CRYBG3: variants seen among roughly 807,000 people sequenced by gnomAD.
CRYBG3 encodes the protein very large A-kinase anchor protein.
CRYBG3 carries 127 observed loss-of-function variants against 244.2 expected under a neutral mutation model. That is an observed-to-expected ratio of 0.52 (90% CI 0.45 to 0.60). CRYBG3 has a LOEUF of 0.60. Ranked by LOEUF, CRYBG3 falls within the 20% of genes least tolerant of loss-of-function variation. CRYBG3 has a pLI of 0.00. For synonymous variants in CRYBG3, 1,132 were observed against 1,195.8 expected (o/e 0.95, Z 1.10); for missense variants, 3,325 against 3,442.5 (o/e 0.97, Z 0.85).
At chr3:97,919,683 C>A in intron 17 of CRYBG3, among the ~76,000 whole-genome samples, 1 of 137,550 alleles carries the variant, frequency 7.3e-6, no homozygotes, top group Non-Finnish European at 1.5e-5. Context: ...TAGGAGTAAT[C>A]ATACTGGGTG....
At chr3:97,858,414 C>A (rs1321120589) in intron 2 of CRYBG3, among the ~76,000 whole-genome samples, 3 of 151,972 alleles carry the variant, frequency 2.0e-5, no homozygotes, top group Non-Finnish European at 4.4e-5. Context: ...CTTCCTGGAT[C>A]TAGATGTCTA....
In CRYBG3 at chr3:97,910,567, T is replaced by A. The variant is rs112006862; in HGVS notation, c.8005-1600T>A. 5.9e-5 allele frequency among the ~76,000 whole-genome samples: 9 copies of A among 152,336 alleles called. 1 individual carries two copies. The highest frequency in any genetic ancestry group is 2.2e-4 in the African/African-American group (9 of 41,584). On this transcript the variant is annotated intron_variant, in intron 15 of 21. Transcript: ENST00000389622. ...TCAGAAAGGGAACTCCCTGACCCCT[T>A]GCGCTTCCCAAGTGAGGCAATGCCT...
At chr3:97,923,342 A>AT (rs1559745257) in intron 17 of CRYBG3, among the ~76,000 whole-genome samples, 1 of 152,126 alleles carries the variant, frequency 6.6e-6, no homozygotes, top group East Asian at 1.9e-4. Flanking sequence ...TATAATAATA[A>AT]TAAAAAAAAG....
chr3:97,909,338 AGT>A (rs1284505108), intron 15 of CRYBG3, among the ~76,000 whole-genome samples: 3 of 148,418 alleles, frequency 2.0e-5, no homozygotes, highest in Admixed American at 6.7e-5. Flanking sequence ...TATCCTGCAG[AGT>A]GTTTTCCAAC....
intron 15 of CRYBG3, among the ~76,000 whole-genome samples, chr3:97,905,686 T>G (rs1337010896): frequency 6.9e-6 from 1 of 144,670 alleles, no homozygotes; most frequent in African/African-American, 2.5e-5. Flanking sequence ...TTCTCCCATT[T>G]TGTAGGTTGC....
chr3:97,929,538 T>C (rs1365837264), intron 17 of CRYBG3, among the ~76,000 whole-genome samples: 2 of 151,904 alleles, frequency 1.3e-5, no homozygotes, highest in African/African-American at 4.8e-5. Flanking sequence ...TACTTATAAA[T>C]TAAATATTTA....
At chr3:97,828,675 A>G (rs1478262656) in intron 1 of CRYBG3, among the ~76,000 whole-genome samples, 35 of 152,100 alleles carry the variant, frequency 2.3e-4, no homozygotes, top group Admixed American at 2.0e-3. Context: ...AAAATACAAA[A>G]AAAATTAGCC....
At chr3:97,938,563 T>C (rs2040189518) in intron 19 of CRYBG3, among the ~76,000 whole-genome samples, 1 of 151,850 alleles carries the variant, frequency 6.6e-6, no homozygotes, top group African/African-American at 2.4e-5. Flanking sequence ...CACACACCAT[T>C]CTCATCCCAC....
intron 3 of CRYBG3, among the ~76,000 whole-genome samples, chr3:97,867,495 T>A (rs2039248860): frequency 6.6e-6 from 1 of 152,212 alleles, no homozygotes; most frequent in South Asian, 2.1e-4. Flanking sequence ...TGTATCAAAT[T>A]TATCTAGAAT....
chr3:97,876,782 T>C lies in CRYBG3; in HGVS notation c.5588T>C (p.Leu1863Ser). The part of the protein sequence containing the change: ...RGENIGKHKV[L>S]PAVVDIEKIH... Reference sequence around the variant, plus strand: ...GAGAATATTGGGAAACACAAAGTGTTACCCGCAGTGGTAGACATTGAGAAA... The same window carrying C: ...GAGAATATTGGGAAACACAAAGTGTCACCCGCAGTGGTAGACATTGAGAAA... Residue 1863 changes from leucine to serine, a missense_variant, in exon 4 of 22, where the codon TTA (leucine) becomes TCA (serine). Leu to Ser is a moderately radical substitution (Grantham distance 145, BLOSUM62 -2). Transcript: ENST00000389622. 1 of 1,277,744 alleles carries C rather than the reference T, an allele frequency of 7.8e-7. No homozygotes were observed. The highest frequency in any genetic ancestry group is 1.5e-5 in the African/African-American group (1 of 65,338). 79.2% of individuals were successfully genotyped at this position (1,277,744 alleles called of 1,614,324 possible).
intron 15 of CRYBG3, among the ~76,000 whole-genome samples, chr3:97,906,041 G>T (rs1368449864): frequency 1.4e-5 from 2 of 144,172 alleles, no homozygotes; most frequent in African/African-American, 2.5e-5. Flanking sequence ...GTTTGTCAAA[G>T]ATCAGATAGT....
At chr3:97,939,718 A>G (rs1487016243) in intron 19 of CRYBG3, among the ~76,000 whole-genome samples, 2 of 152,114 alleles carry the variant, frequency 1.3e-5, no homozygotes, top group South Asian at 2.1e-4. Context: ...TCAAGAATTA[A>G]TAATTGCAGT....
rs140395778 is a variant in CRYBG3, at chr3:97,856,168, A to G, written c.217-8049A>G. On this transcript the variant is annotated intron_variant, in intron 2 of 21. Transcript: ENST00000389622. ...TACCAGGGATGTTCCTTGCTGAGAA[A>G]AAGAATTCAGCGATATTTCTCCCAT... is the stretch of plus-strand genomic sequence containing the variant. Among the ~76,000 whole-genome samples the G allele has an allele frequency of 9.9e-3, 1,501 of 152,234 alleles. 25 individuals are homozygous for G. The highest frequency in any genetic ancestry group is 0.034 in the African/African-American group (1,432 of 41,550).
intron 1 of CRYBG3, among the ~76,000 whole-genome samples, chr3:97,824,618 T>C (rs1324473926): frequency 6.6e-6 from 1 of 152,176 alleles, no homozygotes; most frequent in African/African-American, 2.4e-5. Context: ...TGGGCTTCAG[T>C]TGGTGACAAC....
rs1357327069 is a variant in CRYBG3, at chr3:97,827,671, G to A, written c.149+5316G>A. 2.6e-5 allele frequency among the ~76,000 whole-genome samples: 4 copies of A among 152,126 alleles called. No individual in the cohort carries two copies. The South Asian group carries it at 8.3e-4, about 32-fold the overall frequency. Reference sequence around the variant, plus strand: ...GGGTACCCTTAATACCCTTTATTAAGCCCTGAGCTTGGAACTTTAAAAATA... The same window carrying A: ...GGGTACCCTTAATACCCTTTATTAAACCCTGAGCTTGGAACTTTAAAAATA... On this transcript the variant is annotated intron_variant, in intron 1 of 21. Transcript: ENST00000389622.
chr3:97,884,440 A>C (rs2039485189), intron 7 of CRYBG3, among the ~76,000 whole-genome samples: 1 of 152,084 alleles, frequency 6.6e-6, no homozygotes, highest in African/African-American at 2.4e-5. Flanking sequence ...GGTAGAGACA[A>C]ATATATTTTC....
chr3:97,921,480 A>G (rs1445718974), intron 17 of CRYBG3, among the ~76,000 whole-genome samples: 1 of 152,154 alleles, frequency 6.6e-6, no homozygotes, highest in Admixed American at 6.6e-5. Flanking sequence ...AAAAATATAT[A>G]GGCAGTAGTT....
Position 97,872,344 on chromosome 3 carries a change from T to C in CRYBG3, c.1150T>C (p.Leu384=). Residue 384 remains leucine, a synonymous_variant, in exon 4 of 22, where the codon TTA becomes CTA. Coordinates refer to ENST00000389622, the MANE Select transcript of CRYBG3 (RefSeq NM_153605.4). The part of the protein sequence containing the change: ...TNRNLVCSAL[L]TGSNHRKVPC... ...CAGAAATTTGGTATGTTCAGCATTG[T>C]TAACAGGAAGTAACCATCGCAAAGT... The C allele has an allele frequency of 6.5e-7, 1 of 1,535,976 alleles. No individual in the cohort carries two copies. The highest frequency in any genetic ancestry group is 1.7e-4 in the Middle Eastern group (1 of 5,990).
intron 2 of CRYBG3, among the ~76,000 whole-genome samples, chr3:97,846,237 T>C (rs543639680): frequency 1.3e-5 from 2 of 152,316 alleles, no homozygotes; most frequent in South Asian, 2.1e-4. Flanking sequence ...TTCTGTGATA[T>C]TGTCCTTTCT....
Sources: allele counts gnomAD v4.1 joint callset (sites outside exome capture counted in the v4.1 genomes callset), GRCh38; gene constraint gnomAD v4.1.1; transcripts MANE v1.5; gene names NCBI Gene and HGNC (gene_info 2026-07-23, HGNC 2026-07-21).